MSH3: variants seen among roughly 807,000 people sequenced by gnomAD.
The protein encoded by MSH3 is mutS homolog 3.
In MSH3, 106 loss-of-function variants were observed where a neutral mutation model predicts 123.3. The observed-to-expected ratio is 0.86, with a 90% confidence interval of 0.73 to 1.01. MSH3 has a LOEUF of 1.01. Among genes scored for constraint, MSH3 ranks in the 50% least tolerant of loss-of-function variants. MSH3 has a pLI of 0.00. For synonymous variants in MSH3, 515 were observed against 481.4 expected (o/e 1.07, Z -0.91); for missense variants, 1,459 against 1,347.6 (o/e 1.08, Z -1.29).
At chr5:80,669,972 C>A in intron 3 of MSH3, 125 bp from the exon 4 acceptor site, 1 of 852,476 alleles carries the variant, frequency 1.2e-6, no homozygotes, top group South Asian at 1.5e-5. Context: ...CTACAATGTG[C>A]TTCTATAAAC....
At chr5:80,844,200 T>G (rs1270838028) in intron 20 of MSH3, among the ~76,000 whole-genome samples, 1 of 152,126 alleles carries the variant, frequency 6.6e-6, no homozygotes, top group Non-Finnish European at 1.5e-5. Flanking sequence ...TCCATGTAGT[T>G]GTGCAGTTTT....
At chr5:80,809,063 G>C (rs1744957409) in intron 19 of MSH3, among the ~76,000 whole-genome samples, 1 of 151,330 alleles carries the variant, frequency 6.6e-6, no homozygotes, top group Admixed American at 6.6e-5. Context: ...AGGGCATTGG[G>C]ACTTCATGTG....
At chr5:80,665,459 A>G in intron 3 of MSH3, 96 bp downstream of exon 3, 1 of 923,098 alleles carries the variant, frequency 1.1e-6, no homozygotes, top group Non-Finnish European at 1.7e-6. Context: ...AATGGTTCCT[A>G]AACTTGGATG....
intron 13 of MSH3, among the ~76,000 whole-genome samples, chr5:80,762,407 T>G (rs1188150033): frequency 6.6e-6 from 1 of 151,958 alleles, no homozygotes; most frequent in African/African-American, 2.4e-5. Flanking sequence ...TAATAAGAAA[T>G]TATATCTAAT....
At chr5:80,854,357 G>T in intron 21 of MSH3, 41 bp downstream of exon 21, 1 of 1,540,164 alleles carries the variant, frequency 6.5e-7, no homozygotes. Flanking sequence ...AAATTAATTT[G>T]TAAATTATTA....
chr5:80,684,888 T>C (rs950559077), intron 8 of MSH3, among the ~76,000 whole-genome samples: 25 of 152,192 alleles, frequency 1.6e-4, no homozygotes, highest in Non-Finnish European at 1.0e-4. Flanking sequence ...TTGAATTTTA[T>C]CAAATCCTTT....
Position 80,768,924 on chromosome 5 carries a change from A to G in MSH3, c.2174A>G (p.Glu725Gly), listed in dbSNP as rs1444016720. Residue 725 changes from glutamate (E) to glycine (G), a missense_variant, in exon 15 of 24, where the codon GAG (glutamate) becomes GGG (glycine). Coordinates refer to ENST00000265081, the MANE Select transcript of MSH3 (RefSeq NM_002439.5). ...GATGAAATTCAAGGTGTTATTGACG[A>G]GATCCGAATGCATTTGCAAGAAATA... ...RKDEIQGVID[E>G]IRMHLQEIRK... 6.2e-7 allele frequency: 1 copy of G among 1,612,844 alleles called. No individual in the cohort carries two copies. Among genetic ancestry groups the G allele is most frequent in the African/African-American group, 1.3e-5 (1 of 74,912 alleles).
chr5:80,669,155 G>T (rs1749638853), intron 3 of MSH3, among the ~76,000 whole-genome samples: 1 of 152,166 alleles, frequency 6.6e-6, no homozygotes, highest in Non-Finnish European at 1.5e-5. Context: ...TTTACCTGAT[G>T]TCCCGGTGAA....
At chr5:80,668,941 A>G (rs555779270) in intron 3 of MSH3, among the ~76,000 whole-genome samples, 353 of 152,254 alleles carry the variant, frequency 2.3e-3, no homozygotes, top group Non-Finnish European at 4.2e-3. Context: ...GGTTCTGTGG[A>G]GCATGCAGCC....
chr5:80,864,271 T>C (rs558403228), intron 21 of MSH3, among the ~76,000 whole-genome samples: 64 of 152,128 alleles, frequency 4.2e-4, no homozygotes, highest in African/African-American at 1.5e-3. Context: ...TTGGAGGAAA[T>C]AGCAAAGTCC....
At chr5:80,688,487 G>A (rs1750144544) in intron 8 of MSH3, among the ~76,000 whole-genome samples, 1 of 152,100 alleles carries the variant, frequency 6.6e-6, no homozygotes, top group South Asian at 2.1e-4. Context: ...TACCATAGTA[G>A]CATTTTCATT....
intron 18 of MSH3, among the ~76,000 whole-genome samples, chr5:80,792,531 G>GT (rs981672207): frequency 6.6e-6 from 1 of 151,988 alleles, no homozygotes; most frequent in African/African-American, 2.4e-5. Context: ...AATAATAAAT[G>GT]TTTTCCCAAT....
chr5:80,722,881 G>T (rs1232764197), intron 8 of MSH3, among the ~76,000 whole-genome samples: 1 of 152,216 alleles, frequency 6.6e-6, no homozygotes, highest in Non-Finnish European at 1.5e-5. Context: ...GAGGTGGGCA[G>T]ATCGCTTGAG....
intron 10 of MSH3, among the ~76,000 whole-genome samples, chr5:80,734,807 C>A (rs1011739387): frequency 6.6e-6 from 1 of 152,150 alleles, no homozygotes. Flanking sequence ...CATTCTGTCT[C>A]ACAAATTCTA....
rs910557064 is a variant in MSH3 at position 80,654,880 on chromosome 5, T to C, written c.153T>C (p.Ala51=). Residue 51 remains alanine, a synonymous_variant, in exon 1 of 24, where the codon GCT becomes GCC. Coordinates refer to ENST00000265081, the MANE Select transcript of MSH3 (RefSeq NM_002439.5). The part of the protein sequence containing the change: ...TGAADQVDPG[A]AAAAAAAAAA... ...CAGCCGACCAGGTGGACCCTGGCGC[T>C]GCAGCGGCTGCAGCGGCCGCAGCGG... 1 of 1,538,674 alleles carries C rather than the reference T, an allele frequency of 6.5e-7. No homozygotes were observed. The highest frequency in any genetic ancestry group is 8.8e-7 in the Non-Finnish European group (1 of 1,135,058).
At chr5:80,851,880 A>G (rs780975560) in intron 20 of MSH3, among the ~76,000 whole-genome samples, 2 of 152,212 alleles carry the variant, frequency 1.3e-5, no homozygotes, top group Non-Finnish European at 2.9e-5. Context: ...TCTGTCATAT[A>G]CAAAATGTTT....
At chr5:80,780,285 A>T (rs1744386706) in intron 17 of MSH3, among the ~76,000 whole-genome samples, 2 of 152,226 alleles carry the variant, frequency 1.3e-5, no homozygotes, top group African/African-American at 4.8e-5. Flanking sequence ...AGATGTACAC[A>T]GTTGATTTTC....
At chr5:80,656,577 A>G in intron 2 of MSH3, 46 bp downstream of exon 2, 1 of 1,612,010 alleles carries the variant, frequency 6.2e-7, no homozygotes, top group Non-Finnish European at 8.5e-7. Context: ...TGGCTCTGGT[A>G]TTCTGGAATT....
In MSH3 at chr5:80,728,856, C is replaced by A; in HGVS notation, c.1459C>A (p.Gln487Lys). Residue 487 changes from glutamine to lysine, a missense_variant, in exon 10 of 24, where the codon CAA (glutamine) becomes AAA (lysine). Physicochemically the swap from Gln to Lys is moderately conservative, Grantham distance 53 (BLOSUM62 1). Coordinates refer to ENST00000265081, the MANE Select transcript of MSH3 (RefSeq NM_002439.5). ...TAATATATTCTGTTTTCTAGGTTCT[C>A]AAATTATTTCTGGCATTGTTAACTT... ...AKDTVDIKGS[Q>K]IISGIVNLEK... 1 of 1,571,848 alleles carries A rather than the reference C, an allele frequency of 6.4e-7. No individual in the cohort carries two copies. The highest frequency in any genetic ancestry group is 1.1e-5 in the South Asian group (1 of 89,862).
Sources: allele counts gnomAD v4.1 joint callset (sites outside exome capture counted in the v4.1 genomes callset), GRCh38; gene constraint gnomAD v4.1.1; transcripts MANE v1.5; gene names NCBI Gene and HGNC (gene_info 2026-07-23, HGNC 2026-07-21).